The following ACER3 variants were observed in gnomAD, a reference collection of about 807,000 sequenced individuals.
ACER3 encodes alkaline ceramidase 3.
A neutral mutation model predicts 48.9 loss-of-function variants in ACER3; 16 were observed. The observed-to-expected ratio is 0.33, with a 90% CI of 0.22 to 0.50. The LOEUF is 0.50. Ranked by LOEUF, ACER3 falls within the 20% of genes least tolerant of loss-of-function variation. The pLI is 0.98. For synonymous variants in ACER3, 109 were observed against 107.8 expected (o/e 1.01, Z -0.07); for missense variants, 227 against 326.0 (o/e 0.70, Z 2.34).
intron 1 of ACER3, among the ~76,000 whole-genome samples, chr11:76,918,799 T>G (rs1565176414): frequency 6.6e-6 from 1 of 152,324 alleles, no homozygotes; most frequent in East Asian, 1.9e-4. Flanking sequence ...CATAAATAAG[T>G]TGCCTAAGTT....
chr11:76,867,299 T>G (rs1405337272), intron 1 of ACER3, among the ~76,000 whole-genome samples: 1 of 151,122 alleles, frequency 6.6e-6, no homozygotes, highest in Non-Finnish European at 1.5e-5. Flanking sequence ...TGAGACACCG[T>G]CTCTACTAAA....
chr11:76,973,393 C>A (rs112494190), intron 3 of ACER3, among the ~76,000 whole-genome samples: 243 of 152,312 alleles, frequency 1.6e-3, no homozygotes, highest in Middle Eastern at 3.4e-3. Flanking sequence ...CCTGGTGAGC[C>A]TGACTGGATC....
chr11:76,944,933 G>T (rs560104535), intron 2 of ACER3, among the ~76,000 whole-genome samples: 2 of 150,844 alleles, frequency 1.3e-5, no homozygotes, highest in Admixed American at 6.6e-5. Flanking sequence ...TGTCTGATTG[G>T]ATTATTTCAA....
chr11:76,862,207 C>T (rs1944959580), intron 1 of ACER3, among the ~76,000 whole-genome samples: 1 of 151,644 alleles, frequency 6.6e-6, no homozygotes, highest in African/African-American at 2.4e-5. Context: ...GGCATCTGTG[C>T]ATGGCTTTGT....
intron 6 of ACER3, among the ~76,000 whole-genome samples, chr11:76,995,727 G>C (rs1948896633): frequency 6.6e-6 from 1 of 152,054 alleles, no homozygotes; most frequent in Admixed American, 6.5e-5. Flanking sequence ...TACTAGGTAG[G>C]CCACTAGCAG....
intron 1 of ACER3, chr11:76,868,012 A>G (rs1945140139): frequency 1.1e-6 from 1 of 927,516 alleles, no homozygotes; most frequent in East Asian, 6.2e-5. Context: ...GCTGCAGCAC[A>G]AGACAAAAGG....
rs575045221 is a variant in ACER3, at chr11:77,025,412, T to TATATAGA, written c.*5085_*5086insATATAGA. Reference sequence around the variant, plus strand: ...ATTCTTTATATATATATATATATATTTATTTATTTTTTTGAGACAGAGTCT... The same window carrying TATATAGA: ...ATTCTTTATATATATATATATATATTATATAGATATTTATTTTTTTGAGACAGAGTCT... On this transcript the variant is annotated 3_prime_UTR_variant, in exon 11 of 11. Transcript: ENST00000532485. The TATATAGA allele has an allele frequency of 1.4e-5, 1 of 69,236 alleles. No individual in the cohort carries two copies. Among genetic ancestry groups the TATATAGA allele is most frequent in the African/African-American group, 4.3e-5 (1 of 23,462 alleles). 4.3% of individuals were successfully genotyped at this position (69,236 alleles called of 1,614,324 possible). A position where few individuals can be genotyped will look rare whatever the true frequency, so the allele number is the denominator to read the frequency against.
At chr11:76,875,510 C>T (rs1361526916) in intron 1 of ACER3, among the ~76,000 whole-genome samples, 1 of 152,078 alleles carries the variant, frequency 6.6e-6, no homozygotes, top group African/African-American at 2.4e-5. Context: ...CTCAATTCTA[C>T]CATTAACATT....
intron 2 of ACER3, among the ~76,000 whole-genome samples, chr11:76,946,778 G>A (rs574781536): frequency 6.6e-6 from 1 of 152,202 alleles, no homozygotes; most frequent in Admixed American, 6.5e-5. Flanking sequence ...TTTAGCCAAC[G>A]CTGGTCTAGG....
intron 1 of ACER3, among the ~76,000 whole-genome samples, chr11:76,876,190 C>T (rs1945375908): frequency 1.3e-5 from 2 of 152,144 alleles, no homozygotes; most frequent in African/African-American, 4.8e-5. Context: ...TTACCATCAG[C>T]CAGGAAAGTT....
At chr11:77,016,843 T>C in intron 9 of ACER3, 64 bp downstream of exon 9, 1 of 782,040 alleles carries the variant, frequency 1.3e-6, no homozygotes, top group Non-Finnish European at 2.0e-6. Flanking sequence ...TCTTTACTCT[T>C]TAAATAGGAT....
At chr11:76,939,619 A>C (rs973204107) in intron 2 of ACER3, among the ~76,000 whole-genome samples, 1 of 152,180 alleles carries the variant, frequency 6.6e-6, no homozygotes, top group Admixed American at 6.5e-5. Flanking sequence ...ACAAAAACAA[A>C]GGTACAAACT....
rs1171876290 is a variant in ACER3, at chr11:77,005,982, T to TATTATATATATATAC, written c.497+7163_497+7164insTATATATATATACAT. Among the ~76,000 whole-genome samples the TATTATATATATATAC allele has an allele frequency of 5.7e-4, 14 of 24,628 alleles. 2 individuals are homozygous for TATTATATATATATAC. The South Asian group carries it at 9.4e-3, about 16-fold the overall frequency. 16.2% of individuals were successfully genotyped at this position (24,628 alleles called of 152,430 possible). The stretch of plus-strand genomic sequence containing the variant: ...TATTATATATATATACATATATATA[T>TATTATATATATATAC]ATATATATATTTTTTTTTTTTTTTG... On this transcript the variant is annotated intron_variant, in intron 7 of 10. Coordinates refer to ENST00000532485, the MANE Select transcript of ACER3 (RefSeq NM_018367.7).
intron 1 of ACER3, among the ~76,000 whole-genome samples, chr11:76,864,034 T>C (rs978784044): frequency 6.6e-6 from 1 of 152,226 alleles, no homozygotes; most frequent in Admixed American, 6.5e-5. Context: ...TACTCAACCA[T>C]CTTTCAACTA....
chr11:76,869,159 C>T (rs1456483911), intron 1 of ACER3, among the ~76,000 whole-genome samples: 1 of 152,178 alleles, frequency 6.6e-6, no homozygotes, highest in African/African-American at 2.4e-5. Context: ...GACACTATCT[C>T]GAGGTGGATA....
rs1362419091 is a variant in ACER3 at position 77,026,154 on chromosome 11, TTTGAG to T, written c.*5832_*5836del. On this transcript the variant is annotated 3_prime_UTR_variant, in exon 11 of 11. Transcript: ENST00000532485. ...CCAAAAATGCTAGTTGCCCTCAGCT[TTTGAG>T]TTGACTTCCAGAAAGTTGAGATCTT... is the stretch of plus-strand genomic sequence containing the variant. 2 of 152,220 alleles carry T rather than the reference TTTGAG, an allele frequency of 1.3e-5. No homozygotes were observed. Among genetic ancestry groups the T allele is most frequent in the African/African-American group, 2.4e-5 (1 of 41,456 alleles). The allele number at this position is 152,220 out of a possible 1,614,324, so 9.4% of individuals were successfully genotyped here. A position where few individuals can be genotyped will look rare whatever the true frequency, so the allele number is the denominator to read the frequency against.
chr11:76,963,826 C>A (rs1420433891), intron 3 of ACER3, among the ~76,000 whole-genome samples: 2 of 151,362 alleles, frequency 1.3e-5, no homozygotes, highest in Admixed American at 6.6e-5. Context: ...AGAAAAGAAA[C>A]CTGGTCAAGT....
intron 1 of ACER3, among the ~76,000 whole-genome samples, chr11:76,896,960 TTGTC>T (rs1238754515): frequency 6.6e-6 from 1 of 151,974 alleles, no homozygotes; most frequent in Non-Finnish European, 1.5e-5. Context: ...GGTTTTTTGT[TTGTC>T]TGTTTGTTTT....
intron 1 of ACER3, among the ~76,000 whole-genome samples, chr11:76,915,883 A>C (rs74936292): frequency 0.025 from 3,743 of 152,280 alleles, 141 homozygotes; most frequent in African/African-American, 0.082. Flanking sequence ...CAAGAACAGC[A>C]TGGGGGAACC....
Sources: allele counts gnomAD v4.1 joint callset (sites outside exome capture counted in the v4.1 genomes callset), GRCh38; gene constraint gnomAD v4.1.1; transcripts MANE v1.5; gene names NCBI Gene and HGNC (gene_info 2026-07-23, HGNC 2026-07-21).